Variants in BAG4 observed in about 807,000 individuals in gnomAD.
BAG4 encodes the protein BAG cochaperone 4.
A neutral mutation model predicts 52.1 loss-of-function variants in BAG4; 28 were observed. The observed-to-expected ratio is 0.54, with a 90% CI of 0.40 to 0.74. BAG4 has a LOEUF of 0.74. Among genes scored for constraint, BAG4 ranks in the 30% least tolerant of loss-of-function variants. The pLI, the probability that BAG4 is intolerant of heterozygous loss-of-function variation, is 0.00. For synonymous variants in BAG4, 208 were observed against 217.0 expected (o/e 0.96, Z 0.37); for missense variants, 525 against 572.0 (o/e 0.92, Z 0.84).
intron 1 of BAG4, among the ~76,000 whole-genome samples, chr8:38,186,786 A>G (rs192257420): frequency 2.6e-5 from 4 of 152,356 alleles, no homozygotes; most frequent in Admixed American, 2.6e-4. Flanking sequence ...TGGTCAAGGA[A>G]AGATACACTC....
chr8:38,207,555 C>A lies in BAG4; in HGVS notation c.422C>A (p.Pro141His). 1 of 1,613,910 alleles carries A rather than the reference C, an allele frequency of 6.2e-7. No homozygotes were observed. The highest frequency in any genetic ancestry group is 1.7e-5 in the Admixed American group (1 of 60,014). The change falls in exon 3 of 5, where the codon CCC becomes CAC. Residue 141 changes from proline (P) to histidine (H), a missense_variant. Pro to His is a moderately conservative substitution (Grantham distance 77). Coordinates refer to ENST00000287322, the MANE Select transcript of BAG4 (RefSeq NM_004874.4). Reference sequence around the variant, plus strand: ...AATGGAGCGTATGGTCCAACATACCCCCCAGGCCCTGGGGCAAATACTGCC... The same window carrying A: ...AATGGAGCGTATGGTCCAACATACCACCCAGGCCCTGGGGCAAATACTGCC... Reference protein sequence around the residue: ...YTNGAYGPTYPPGPGANTASY... With the variant: ...YTNGAYGPTYHPGPGANTASY...
At position 38,192,806 on chromosome 8, in the gene BAG4, A is replaced by G. The variant is rs745499034; in HGVS notation, c.378+11A>G. On this transcript the variant is annotated intron_variant, in intron 2 of 4. Coordinates refer to ENST00000287322, the MANE Select transcript of BAG4 (RefSeq NM_004874.4). ...GAATTGCAAGGCCAGGTATGGTTTAAAAACAGAGACTTTCTGAACTTTTTC... is the reference window on the plus strand; with the variant it reads ...GAATTGCAAGGCCAGGTATGGTTTAGAAACAGAGACTTTCTGAACTTTTTC... 1.3e-6 allele frequency: 2 copies of G among 1,556,634 alleles called. No homozygotes were observed. Among genetic ancestry groups the G allele is most frequent in the East Asian group, 4.5e-5 (2 of 44,396 alleles).
chr8:38,185,634 G>A (rs1803353510), intron 1 of BAG4, among the ~76,000 whole-genome samples: 1 of 152,052 alleles, frequency 6.6e-6, no homozygotes, highest in African/African-American at 2.4e-5. Flanking sequence ...TGGCGATCTC[G>A]GCTTACTGCA....
chr8:38,189,970 A>G (rs1803445580), intron 1 of BAG4, among the ~76,000 whole-genome samples: 2 of 152,092 alleles, frequency 1.3e-5, no homozygotes, highest in Admixed American at 6.6e-5. Context: ...TATTTTTAGT[A>G]GAGATGGGGT....
intron 1 of BAG4, 86 bp from the exon 2 acceptor site, chr8:38,192,602 A>G (rs1306055535): frequency 7.6e-6 from 8 of 1,056,440 alleles, no homozygotes; most frequent in Non-Finnish European, 1.1e-5. Flanking sequence ...TTTTTTTTTT[A>G]ATCCTTATAA....
chr8:38,179,537 A>T (rs1183795834), intron 1 of BAG4, among the ~76,000 whole-genome samples: 1 of 150,330 alleles, frequency 6.7e-6, no homozygotes, highest in East Asian at 2.0e-4. Flanking sequence ...AGTCCAAGGA[A>T]GGCGGATCAC....
At chr8:38,201,849 TATATATATA>T (rs1563283942) in intron 2 of BAG4, 23 of 6,354 alleles carry the variant, frequency 3.6e-3, no homozygotes, top group Non-Finnish European at 7.9e-3. Context: ...TATATATATA[TATATATATA>T]TATATATATA....
At chr8:38,199,328 G>T (rs1585661951) in intron 2 of BAG4, among the ~76,000 whole-genome samples, 1 of 152,324 alleles carries the variant, frequency 6.6e-6, no homozygotes, top group East Asian at 1.9e-4. Flanking sequence ...GTGCATGACT[G>T]TATATGATTT....
intron 2 of BAG4, among the ~76,000 whole-genome samples, chr8:38,200,244 T>G (rs531825001): frequency 6.6e-6 from 1 of 152,218 alleles, no homozygotes; most frequent in Non-Finnish European, 1.5e-5. Context: ...TGACCTCTAG[T>G]GATCCACCTG....
At position 38,207,741 on chromosome 8, in the gene BAG4, A is replaced by G. The variant is rs746253494; in HGVS notation, c.608A>G (p.Gln203Arg). 1.1e-5 allele frequency: 17 copies of G among 1,614,182 alleles called. 1 individual carries two copies. The South Asian group carries it at 1.9e-4, about 18-fold the overall frequency. Residue 203 changes from glutamine (Q) to arginine (R), a missense_variant, in exon 3 of 5, where the codon CAG becomes CGG. By Grantham distance (43) the Gln-to-Arg change is conservative. Around this residue, in one of 2 missense-constraint regions of BAG4, gnomAD observed 287 missense variants for 266.1 expected, o/e 1.08. Coordinates refer to ENST00000287322, the MANE Select transcript of BAG4 (RefSeq NM_004874.4). ...ACTGAAGCACCCCCTCTTAGGGGGC[A>G]GGTTCCAGGATATCCGCCTTCACAG... ...CQTEAPPLRG[Q>R]VPGYPPSQNP...
At chr8:38,182,610 CAAAT>C (rs1803290188) in intron 1 of BAG4, among the ~76,000 whole-genome samples, 1 of 152,050 alleles carries the variant, frequency 6.6e-6, no homozygotes. Flanking sequence ...TTTCATTCAA[CAAAT>C]AAAAAGTTTG....
At chr8:38,199,641 A>G (rs1211887286) in intron 2 of BAG4, among the ~76,000 whole-genome samples, 1 of 151,612 alleles carries the variant, frequency 6.6e-6, no homozygotes, top group Non-Finnish European at 1.5e-5. Flanking sequence ...CTCCTGCCTC[A>G]GCCTCCCAAG....
chr8:38,201,870 ATATATATATATTTTTTTTTT>A (rs1803678517), intron 2 of BAG4: 1 of 5,598 alleles, frequency 1.8e-4, no homozygotes, highest in Non-Finnish European at 3.6e-4. Flanking sequence ...ATATATATAT[ATATATATATATTTTTTTTTT>A]TTTTTTTTTT....
In BAG4 at chr8:38,188,088, A is replaced by G. The variant is rs529654803; in HGVS notation, c.271-4600A>G. Among the ~76,000 whole-genome samples the G allele has an allele frequency of 1.3e-4, 20 of 151,432 alleles. 1 individual carries two copies. The South Asian group carries it at 3.9e-3, about 30-fold the overall frequency. ...GAAGAAGAAGTGTATTGTTAGCCCA[A>G]GAGTAACTGCTAAAGAAAAAAAAAG... is the stretch of plus-strand genomic sequence containing the variant. On this transcript the variant is annotated intron_variant, in intron 1 of 4. Transcript: ENST00000287322.
At chr8:38,202,691 G>A (rs145847507) in intron 2 of BAG4, among the ~76,000 whole-genome samples, 34 of 151,268 alleles carry the variant, frequency 2.2e-4, no homozygotes, top group African/African-American at 7.8e-4. Flanking sequence ...TTAGGCATAC[G>A]CCACTACACC....
intron 1 of BAG4, among the ~76,000 whole-genome samples, chr8:38,180,941 A>T (rs1004025276): frequency 5.1e-4 from 71 of 138,302 alleles, no homozygotes; most frequent in Non-Finnish European, 1.7e-4. Flanking sequence ...ATCTATCACT[A>T]TTTTTTTTTT....
chr8:38,210,309 T>A lies in BAG4; in HGVS notation c.1190T>A (p.Val397Glu). ...LEKVQYLEQE[V>E]EEFVGKKTDK... The stretch of plus-strand genomic sequence containing the variant: ...AAGGTCCAGTATCTTGAACAAGAAG[T>A]AGAAGAATTTGTAGGAAAAAAGACA... The change falls in exon 5 of 5, where the codon GTA becomes GAA. Residue 397 changes from valine to glutamate, a missense_variant. Transcript: ENST00000287322. The A allele has an allele frequency of 6.2e-7, 1 of 1,613,996 alleles. No individual in the cohort carries two copies. The highest frequency in any genetic ancestry group is 8.5e-7 in the Non-Finnish European group (1 of 1,180,000).
intron 1 of BAG4, among the ~76,000 whole-genome samples, chr8:38,185,896 A>G (rs952316839): frequency 6.6e-6 from 1 of 152,192 alleles, no homozygotes; most frequent in Non-Finnish European, 1.5e-5. Flanking sequence ...AATCTACAAA[A>G]GTCAGTAAGA....
chr8:38,199,154 AAG>A (rs1290204206), intron 2 of BAG4, among the ~76,000 whole-genome samples: 1 of 152,248 alleles, frequency 6.6e-6, no homozygotes, highest in African/African-American at 2.4e-5. Context: ...GGCACACAGC[AAG>A]TTTGTTTACA....
Sources: allele counts gnomAD v4.1 joint callset (sites outside exome capture counted in the v4.1 genomes callset), GRCh38; gene constraint gnomAD v4.1.1; regional missense constraint gnomAD v4.1.1; transcripts MANE v1.5; gene names NCBI Gene and HGNC (gene_info 2026-07-23, HGNC 2026-07-21).